The following MYT1L variants were observed in gnomAD, a reference collection of about 807,000 sequenced individuals.
The protein encoded by MYT1L is myelin transcription factor 1-like protein.
Under a neutral mutation model 126.7 loss-of-function variants are expected in MYT1L, and 12 were observed. The ratio of observed to expected loss-of-function variants is 0.09; its 90% CI spans 0.06 to 0.15. The LOEUF is 0.15. MYT1L is among the 10% of genes least tolerant of loss of function. The pLI is 1.00. For missense variants in MYT1L, 979 were observed against 1,585.2 expected, an observed-to-expected ratio of 0.62 and a Z score of 6.49; for synonymous variants, 541 against 604.2, an observed-to-expected ratio of 0.90 and a Z score of 1.53.
At position 2,120,684 on chromosome 2, in the gene MYT1L, A is replaced by G. The variant is rs549796512; in HGVS notation, c.-304+52188T>C. On this transcript the variant is annotated intron_variant, in intron 3 of 24. Transcript: ENST00000647738. Reference sequence around the variant, plus strand: ...CAAGAGAAGCTAAAAATTTATAATTAAGGTAACTCTTAAGGTATTACTTGT... The same window carrying G: ...CAAGAGAAGCTAAAAATTTATAATTGAGGTAACTCTTAAGGTATTACTTGT... Among the ~76,000 whole-genome samples the G allele has an allele frequency of 1.0e-3, 153 of 152,194 alleles. 1 individual carries two copies. The highest frequency in any genetic ancestry group is 3.4e-3 in the Middle Eastern group (1 of 294).
chr2:2,147,670 C>T (rs1246161379), intron 3 of MYT1L, among the ~76,000 whole-genome samples: 10 of 152,326 alleles, frequency 6.6e-5, no homozygotes, highest in African/African-American at 2.4e-4. Flanking sequence ...GGGTGGGTGG[C>T]TCAGAGGCTG....
rs188946390 is a variant in MYT1L at position 1,988,667 on chromosome 2, C to T, written c.-1+8524G>A. On this transcript the variant is annotated intron_variant, in intron 5 of 24. Transcript: ENST00000647738. ...TTTCATGTGTAAAATCCCTGCTTAC[C>T]GCATTGGGTGGTGGAGAGGACTGAA... 2.3e-3 allele frequency among the ~76,000 whole-genome samples: 344 copies of T among 152,324 alleles called. 1 individual carries two copies. The highest frequency in any genetic ancestry group is 4.2e-3 in the Non-Finnish European group (286 of 68,034).
At position 2,257,600 on chromosome 2, in the gene MYT1L, G is replaced by A. The variant is rs965383643; in HGVS notation, c.-421+26804C>T. 2.6e-5 allele frequency among the ~76,000 whole-genome samples: 4 copies of A among 152,178 alleles called. No homozygotes were observed. The South Asian group carries it at 8.3e-4, about 32-fold the overall frequency. Reference sequence around the variant, plus strand: ...CGTCTATTTGAAATTTGCTAAGAGAGTAGCCTCAAGGGTTCTCATCACTAA... The same window carrying A: ...CGTCTATTTGAAATTTGCTAAGAGAATAGCCTCAAGGGTTCTCATCACTAA... On this transcript the variant is annotated intron_variant, in intron 2 of 24. Transcript: ENST00000647738.
In MYT1L at chr2:2,064,918, TAC is replaced by T. The variant is rs2071024553; in HGVS notation, c.-303-10797_-303-10796del. Reference sequence around the variant, plus strand: ...ATTAAGAAATGAGTGTATGACCAGGTACAGTGACTCTTGTGCCTGCCTGAAAT... The same window carrying T: ...ATTAAGAAATGAGTGTATGACCAGGTAGTGACTCTTGTGCCTGCCTGAAAT... On this transcript the variant is annotated intron_variant, in intron 3 of 24. Transcript: ENST00000647738. 3.3e-5 allele frequency among the ~76,000 whole-genome samples: 5 copies of T among 152,306 alleles called. No homozygotes were observed. In the South Asian group the frequency reaches 1.0e-3, roughly 32 times the overall value.
At chr2:1,845,782 G>A (rs912510994) in intron 19 of MYT1L, among the ~76,000 whole-genome samples, 7 of 152,222 alleles carry the variant, frequency 4.6e-5, no homozygotes, top group Non-Finnish European at 8.8e-5. Context: ...AGCAAGTTCC[G>A]TTTGTAGCTG....
intron 2 of MYT1L, among the ~76,000 whole-genome samples, chr2:2,179,093 G>A (rs1333940959): frequency 2.0e-5 from 3 of 152,090 alleles, no homozygotes; most frequent in Non-Finnish European, 2.9e-5. Flanking sequence ...AGGAACCTGG[G>A]GTACTGCGAA....
At chr2:2,242,298 T>C (rs1036517649) in intron 2 of MYT1L, among the ~76,000 whole-genome samples, 4 of 151,948 alleles carry the variant, frequency 2.6e-5, no homozygotes, top group African/African-American at 7.3e-5. Flanking sequence ...AATGGAAAAA[T>C]GAGGAAAACA....
In MYT1L at chr2:2,254,940, A is replaced by G. The variant is rs1383310214; in HGVS notation, c.-421+29464T>C. On this transcript the variant is annotated intron_variant, in intron 2 of 24. Coordinates refer to ENST00000647738, the MANE Select transcript of MYT1L (RefSeq NM_001303052.2). ...TATTTTTTCTCGACTTCTATAATATACATGTGCCATATTCTTTCCTACATA... is the reference window on the plus strand; with the variant it reads ...TATTTTTTCTCGACTTCTATAATATGCATGTGCCATATTCTTTCCTACATA... Among the ~76,000 whole-genome samples, 7 of 152,184 alleles carry G rather than the reference A, an allele frequency of 4.6e-5. No homozygotes were observed. In the South Asian group the frequency reaches 6.2e-4, roughly 14 times the overall value.
At chr2:2,102,918 T>G (rs2078273211) in intron 3 of MYT1L, among the ~76,000 whole-genome samples, 2 of 151,886 alleles carry the variant, frequency 1.3e-5, no homozygotes, top group Non-Finnish European at 1.5e-5. Context: ...CAAATTATAT[T>G]AATATATAAT....
chr2:2,095,989 G>A (rs551605806), intron 3 of MYT1L, among the ~76,000 whole-genome samples: 1 of 152,068 alleles, frequency 6.6e-6, no homozygotes, highest in South Asian at 2.1e-4. Context: ...ATGTTCATGG[G>A]TGGGTCTGTG....
chr2:1,901,683 T>A (rs2050358089), intron 14 of MYT1L, among the ~76,000 whole-genome samples: 1 of 152,218 alleles, frequency 6.6e-6, no homozygotes, highest in Non-Finnish European at 1.5e-5. Context: ...GTTTAAATAT[T>A]GTGTGTGTAT....
intron 4 of MYT1L, among the ~76,000 whole-genome samples, chr2:2,031,766 T>C: frequency 6.9e-6 from 1 of 145,254 alleles, no homozygotes; most frequent in East Asian, 2.1e-4. Flanking sequence ...AAGGAGGGCC[T>C]TATACACACC....
intron 13 of MYT1L, among the ~76,000 whole-genome samples, chr2:1,904,998 A>G (rs13000456): frequency 0.057 from 8,598 of 151,718 alleles, 268 homozygotes; most frequent in Middle Eastern, 0.072. Context: ...GGGTTTCACC[A>G]TGTTAGCCAT....
chr2:2,118,086 T>C lies in MYT1L; in HGVS notation c.-304+54786A>G, dbSNP rs149652593. ...ATATTTATATTCAATAACATTTTTA[T>C]ATTATTGAATATTATTTATATTTTT... On this transcript the variant is annotated intron_variant, in intron 3 of 24. Coordinates refer to ENST00000647738, the MANE Select transcript of MYT1L (RefSeq NM_001303052.2). Among the ~76,000 whole-genome samples, 8 of 149,196 alleles carry C rather than the reference T, an allele frequency of 5.4e-5. No homozygotes were observed. The East Asian group carries it at 9.7e-4, about 18-fold the overall frequency.
chr2:2,177,591 C>T (rs2090955693), intron 2 of MYT1L, among the ~76,000 whole-genome samples: 1 of 152,220 alleles, frequency 6.6e-6, no homozygotes, highest in African/African-American at 2.4e-5. Context: ...CACAGCTCCA[C>T]ATGGCTGGGA....
intron 2 of MYT1L, among the ~76,000 whole-genome samples, chr2:2,207,848 G>T (rs767790349): frequency 1.3e-5 from 2 of 152,150 alleles, no homozygotes; most frequent in Non-Finnish European, 2.9e-5. Flanking sequence ...GAAACCCTAG[G>T]ACTGATGCCA....
intron 19 of MYT1L, among the ~76,000 whole-genome samples, chr2:1,846,410 AG>A (rs954937419): frequency 1.6e-4 from 25 of 152,320 alleles, no homozygotes; most frequent in Admixed American, 6.5e-4. Context: ...CACAATTCAC[AG>A]GGGCTTGTCA....
At chr2:2,116,139 T>C (rs927186693) in intron 3 of MYT1L, among the ~76,000 whole-genome samples, 1 of 152,216 alleles carries the variant, frequency 6.6e-6, no homozygotes, top group Non-Finnish European at 1.5e-5. Context: ...ATGAGGCCCA[T>C]GCTGAGGGCT....
chr2:2,153,561 G>T (rs2086189533), intron 3 of MYT1L, among the ~76,000 whole-genome samples: 1 of 152,194 alleles, frequency 6.6e-6, no homozygotes, highest in African/African-American at 2.4e-5. Context: ...GGGTGGGCTG[G>T]AAAGTGAGGA....
Sources: allele counts gnomAD v4.1 joint callset (sites outside exome capture counted in the v4.1 genomes callset), GRCh38; gene constraint gnomAD v4.1.1; transcripts MANE v1.5; gene names NCBI Gene and HGNC (gene_info 2026-07-23, HGNC 2026-07-21).